Variants in PYROXD1 observed in about 807,000 individuals in gnomAD.
The protein encoded by PYROXD1 is pyridine nucleotide-disulphide oxidoreductase domain 1.
PYROXD1 carries 42 observed loss-of-function variants against 62.0 expected under a neutral mutation model. The ratio of observed to expected loss-of-function variants is 0.68; its 90% CI spans 0.53 to 0.88. PYROXD1 has a LOEUF of 0.88. Ranked by LOEUF, PYROXD1 falls within the 40% of genes least tolerant of loss-of-function variation. The pLI, the probability that PYROXD1 is intolerant of heterozygous loss-of-function variation, is 0.00. For missense variants in PYROXD1, 493 were observed against 604.8 expected (o/e 0.82, Z 1.94); for synonymous variants, 170 against 206.4 (o/e 0.82, Z 1.51).
At chr12:21,462,932 C>A (rs1028819806) in intron 10 of PYROXD1, 70 bp downstream of exon 10, 2 of 1,482,784 alleles carry the variant, frequency 1.3e-6, no homozygotes, top group African/African-American at 2.8e-5. Context: ...TTGTTACCAA[C>A]AAATCCAACT....
intron 7 of PYROXD1, chr12:21,456,978 A>T: frequency 2.4e-6 from 1 of 408,592 alleles, no homozygotes. Flanking sequence ...AGATTGCAGC[A>T]ATGTAGTCTC....
At chr12:21,467,216 A>C (rs369489741) in intron 10 of PYROXD1, 36 of 306,518 alleles carry the variant, frequency 1.2e-4, no homozygotes, top group Non-Finnish European at 1.9e-4. Context: ...GGTATAGCTT[A>C]ATATAGTTTC....
chr12:21,462,348 C>T (rs974493333), intron 9 of PYROXD1, among the ~76,000 whole-genome samples: 2 of 151,932 alleles, frequency 1.3e-5, no homozygotes, highest in African/African-American at 4.8e-5. Context: ...TTATAATGTA[C>T]AATTTATTTA....
intron 3 of PYROXD1, 125 bp from the exon 4 acceptor site, chr12:21,449,438 C>T (rs560770040): frequency 4.0e-6 from 3 of 746,396 alleles, no homozygotes; most frequent in Non-Finnish European, 2.1e-6. Flanking sequence ...AACTGAGTGC[C>T]ACCAAGAGGC....
chr12:21,451,273 G>T (rs941326379), intron 4 of PYROXD1, among the ~76,000 whole-genome samples: 1 of 150,794 alleles, frequency 6.6e-6, no homozygotes, highest in Non-Finnish European at 1.5e-5. Flanking sequence ...TTAAGTTCTA[G>T]GGTACATGTG....
At chr12:21,451,406 G>T (rs527888704) in intron 4 of PYROXD1, among the ~76,000 whole-genome samples, 12 of 151,768 alleles carry the variant, frequency 7.9e-5, no homozygotes, top group African/African-American at 2.9e-4. Flanking sequence ...TTTCTGGGGG[G>T]TGGAGGCATC....
At chr12:21,459,385 C>G (rs774568854) in intron 7 of PYROXD1, among the ~76,000 whole-genome samples, 4 of 152,114 alleles carry the variant, frequency 2.6e-5, no homozygotes, top group African/African-American at 9.7e-5. Flanking sequence ...GCTTCATGCC[C>G]CTTCTTATAT....
At chr12:21,452,856 T>G (rs1942525800) in intron 5 of PYROXD1, among the ~76,000 whole-genome samples, 2 of 151,616 alleles carry the variant, frequency 1.3e-5, no homozygotes, top group Admixed American at 6.6e-5. Context: ...TGAATCAAAA[T>G]AAGGACTCTG....
chr12:21,465,898 TC>T (rs1326380121), intron 10 of PYROXD1, among the ~76,000 whole-genome samples: 2 of 152,216 alleles, frequency 1.3e-5, no homozygotes, highest in Admixed American at 6.5e-5. Context: ...TAGCCAGTTT[TC>T]CCAGCACCAT....
At chr12:21,441,010 C>T (rs1419429804) in intron 2 of PYROXD1, among the ~76,000 whole-genome samples, 1 of 152,126 alleles carries the variant, frequency 6.6e-6, no homozygotes, top group African/African-American at 2.4e-5. Flanking sequence ...ATAAATCCCA[C>T]TTGATTATGG....
At position 21,461,151 on chromosome 12, in the gene PYROXD1, A is replaced by G. The variant is rs1425121144; in HGVS notation, c.877A>G (p.Thr293Ala). Residue 293 changes from threonine to alanine, a missense_variant, in exon 8 of 12, where the codon ACA becomes GCA. Transcript: ENST00000240651. ...PRDHKSVTAD[T>A]EMWPVYVELT... Reference sequence around the variant, plus strand: ...AGACCATAAGTCAGTTACAGCTGATACAGGCAAGTAATGAAATAAGAAAAA... The same window carrying G: ...AGACCATAAGTCAGTTACAGCTGATGCAGGCAAGTAATGAAATAAGAAAAA... 1.3e-6 allele frequency: 2 copies of G among 1,520,332 alleles called. No individual in the cohort carries two copies. Among genetic ancestry groups the G allele is most frequent in the Middle Eastern group, 1.8e-4 (1 of 5,584 alleles). 94.2% of individuals were successfully genotyped at this position (1,520,332 alleles called of 1,614,324 possible).
intron 10 of PYROXD1, chr12:21,467,162 A>G (rs1312554829): frequency 5.3e-6 from 1 of 188,426 alleles, no homozygotes; most frequent in Admixed American, 6.1e-5. Context: ...GTGATGACAA[A>G]TTTTTGAAGA....
chr12:21,466,943 C>T (rs1200323993), intron 10 of PYROXD1, among the ~76,000 whole-genome samples: 1 of 152,020 alleles, frequency 6.6e-6, no homozygotes, highest in African/African-American at 2.4e-5. Flanking sequence ...AATAAAAATA[C>T]AATAGATGAA....
rs1211279651 is a variant in PYROXD1, at chr12:21,467,553, G to A, written c.1189G>A (p.Asp397Asn). ...GTGCATGGCTGCAGCGAGTTCAGGA[G>A]ACTCTATTGACATGGATTTCAGCTT... ...AKCMAAASSG[D>N]SIDMDFSFEL... Residue 397 changes from aspartate (D) to asparagine (N), a missense_variant, in exon 11 of 12, where the codon GAC becomes AAC. Asp to Asn is a conservative substitution (Grantham distance 23, BLOSUM62 1). Coordinates refer to ENST00000240651, the MANE Select transcript of PYROXD1 (RefSeq NM_024854.5). 6.2e-7 allele frequency: 1 copy of A among 1,612,180 alleles called. No homozygotes were observed. The highest frequency in any genetic ancestry group is 8.5e-7 in the Non-Finnish European group (1 of 1,178,830).
At chr12:21,448,998 A>G (rs2417984) in intron 3 of PYROXD1, among the ~76,000 whole-genome samples, 2 of 151,482 alleles carry the variant, frequency 1.3e-5, no homozygotes, top group South Asian at 2.1e-4. Context: ...TATAAGTACT[A>G]TTTTTTTTAA....
chr12:21,462,233 T>C (rs553602391), intron 9 of PYROXD1, 113 bp downstream of exon 9: 1 of 646,660 alleles, frequency 1.5e-6, no homozygotes, highest in Admixed American at 2.8e-5. Flanking sequence ...TAACTTAACA[T>C]GGTTGGAAAC....
chr12:21,455,892 A>G (rs1942586716), intron 6 of PYROXD1, 103 bp from the exon 7 acceptor site: 1 of 680,352 alleles, frequency 1.5e-6, no homozygotes, highest in Non-Finnish European at 2.6e-6. Context: ...GCTGTAATGT[A>G]TGTATATATA....
In PYROXD1 at chr12:21,462,919, C is replaced by T. The variant is rs555720274; in HGVS notation, c.1116+57C>T. ...TCAGAGATTCTGTCTGAAAATAAAGCGGTTGTTACCAACAAATCCAACTTC... is the reference window on the plus strand; with the variant it reads ...TCAGAGATTCTGTCTGAAAATAAAGTGGTTGTTACCAACAAATCCAACTTC... On this transcript the variant is annotated intron_variant, in intron 10 of 11. Transcript: ENST00000240651. 50 of 1,531,326 alleles carry T rather than the reference C, an allele frequency of 3.3e-5. 1 individual carries two copies. The East Asian group carries it at 3.3e-4, about 10-fold the overall frequency. The allele number at this position is 1,531,326 out of a possible 1,614,324, so 94.9% of individuals were successfully genotyped here. A position where few individuals can be genotyped will look rare whatever the true frequency, so the allele number is the denominator to read the frequency against.
At chr12:21,462,382 C>A (rs1942714836) in intron 9 of PYROXD1, among the ~76,000 whole-genome samples, 1 of 151,922 alleles carries the variant, frequency 6.6e-6, no homozygotes, top group South Asian at 2.1e-4. Flanking sequence ...AAGAGACTGA[C>A]ACCTCCCGTG....
Sources: gnomAD v4.1 joint callset for allele counts (sites outside exome capture counted in the v4.1 genomes callset) on GRCh38, gnomAD v4.1.1 for gene constraint, MANE v1.5 for transcripts, NCBI Gene and HGNC (gene_info 2026-07-23, HGNC 2026-07-21) for gene names.